The following IL2RA variants were observed in gnomAD, a reference collection of about 807,000 sequenced individuals.
The protein encoded by IL2RA is interleukin 2 receptor subunit alpha.
IL2RA carries 24 observed loss-of-function variants against 37.8 expected under a neutral mutation model. The observed-to-expected ratio is 0.63, with a 90% CI of 0.46 to 0.89. The LOEUF is 0.89. Ranked by LOEUF, IL2RA falls within the 40% of genes least tolerant of loss-of-function variation. The probability of loss-of-function intolerance (pLI) is 0.00; values close to 1 mark genes in which losing one functional copy is unlikely to be tolerated. For synonymous variants in IL2RA, 125 were observed against 114.6 expected (o/e 1.09, Z -0.58); for missense variants, 319 against 348.6 (o/e 0.92, Z 0.68).
intron 7 of IL2RA, among the ~76,000 whole-genome samples, chr10:6,017,696 C>A (rs933775064): frequency 1.3e-5 from 2 of 151,254 alleles, no homozygotes; most frequent in Non-Finnish European, 2.9e-5. Flanking sequence ...CTGCCTCAGC[C>A]GCCCAAGTAG....
intron 1 of IL2RA, 39 bp from the exon 2 acceptor site, chr10:6,026,064 C>T (rs779834010): frequency 2.5e-6 from 4 of 1,582,044 alleles, no homozygotes; most frequent in Non-Finnish European, 3.5e-6. Flanking sequence ...CTCAAGAGGC[C>T]CCAGGCAAGT....
Position 6,057,338 on chromosome 10 carries a change from G to A in IL2RA, c.64+4750C>T, listed in dbSNP as rs1246669056. 6.6e-6 allele frequency among the ~76,000 whole-genome samples: 1 copy of A among 152,194 alleles called. No homozygotes were observed. Among genetic ancestry groups the A allele is most frequent in the Non-Finnish European group, 1.5e-5 (1 of 68,036 alleles). ...TTCAGAGCTGGAAATAACCCACAAT[G>A]AGACATCAGGCTTGGGTGCATTGAT... On this transcript the variant is annotated intron_variant, in intron 1 of 7. Transcript: ENST00000379959. This position sits in a 1 kb window ranked among gnomAD's most constrained non-coding sequence, Gnocchi z 4.8.
chr10:6,031,191 A>G (rs1839568562), intron 1 of IL2RA, among the ~76,000 whole-genome samples: 1 of 151,878 alleles, frequency 6.6e-6, no homozygotes, highest in South Asian at 2.1e-4. Context: ...TGGATTAAAC[A>G]GCAGGGCCCA....
chr10:6,052,996 G>A (rs1242118332), intron 1 of IL2RA, among the ~76,000 whole-genome samples: 1 of 152,172 alleles, frequency 6.6e-6, no homozygotes, highest in Non-Finnish European at 1.5e-5. Flanking sequence ...GCAGGAGGCC[G>A]GCTGCTCTAG....
chr10:6,050,765 G>C (rs1016283637), intron 1 of IL2RA, among the ~76,000 whole-genome samples: 1 of 152,238 alleles, frequency 6.6e-6, no homozygotes, highest in Non-Finnish European at 1.5e-5. Flanking sequence ...GCCCGGGAGT[G>C]CTCAGAGCTG....
At position 6,018,155 on chromosome 10, in the gene IL2RA, T is replaced by C. The variant is rs373749136; in HGVS notation, c.728-36A>G. 2.1e-4 allele frequency: 314 copies of C among 1,494,604 alleles called. 2 individuals are homozygous for C. The highest frequency in any genetic ancestry group is 5.2e-4 in the Middle Eastern group (3 of 5,728). 92.6% of individuals were successfully genotyped at this position (1,494,604 alleles called of 1,614,324 possible). A position where few individuals can be genotyped will look rare whatever the true frequency, so the allele number is the denominator to read the frequency against. On this transcript the variant is annotated intron_variant, in intron 6 of 7. Coordinates refer to ENST00000379959, the MANE Select transcript of IL2RA (RefSeq NM_000417.3). The surrounding 1 kb of genome is among the most constrained non-coding windows in gnomAD (Gnocchi z 5.1). ...AGAGAGGGAGTTCAGCAAAGGGCCC[T>C]GGGCTTGGCATGGGGGCAGCAGGAG...
In IL2RA at chr10:6,025,839, C is replaced by T; in HGVS notation, c.251G>A (p.Ser84Asn). The change falls in exon 2 of 8, where the codon AGC becomes AAC. Residue 84 changes from serine (S) to asparagine (N), a missense_variant. Physicochemically the swap from Ser to Asn is conservative, Grantham distance 46. Transcript: ENST00000379959. This position sits in a 1 kb window ranked among gnomAD's most constrained non-coding sequence, Gnocchi z 4.4. ...GTCACAGAAGGGACACTTACCAGAG[C>T]TTGTGCATTGACATTGGTTGTCCCA... The part of the protein sequence containing the change: ...SSWDNQCQCT[S>N]SATRNTTKQV... 1 of 1,614,122 alleles carries T rather than the reference C, an allele frequency of 6.2e-7. No homozygotes were observed. The highest frequency in any genetic ancestry group is 8.5e-7 in the Non-Finnish European group (1 of 1,179,956).
intron 1 of IL2RA, among the ~76,000 whole-genome samples, chr10:6,040,902 G>A (rs1839761768): frequency 6.6e-6 from 1 of 152,158 alleles, no homozygotes; most frequent in East Asian, 1.9e-4. Context: ...TGGCCAGATA[G>A]AAAATTCATT....
Position 6,018,133 on chromosome 10 carries a change from G to C in IL2RA, c.728-14C>G. On this transcript the variant is annotated splice_polypyrimidine_tract_variant and intron_variant, in intron 6 of 7. Coordinates refer to ENST00000379959, the MANE Select transcript of IL2RA (RefSeq NM_000417.3). The surrounding 1 kb of genome is among the most constrained non-coding windows in gnomAD (Gnocchi z 5.1). ...CACAGCCGGCCACTGTCAATAGAGA[G>C]AGGGAGTTCAGCAAAGGGCCCTGGG... 2 of 1,612,946 alleles carry C rather than the reference G, an allele frequency of 1.2e-6. No individual in the cohort carries two copies. Among genetic ancestry groups the C allele is most frequent in the Middle Eastern group, 1.7e-4 (1 of 6,048 alleles).
At chr10:6,059,233 A>T (rs1441459448) in intron 1 of IL2RA, among the ~76,000 whole-genome samples, 1 of 152,036 alleles carries the variant, frequency 6.6e-6, no homozygotes, top group African/African-American at 2.4e-5. Context: ...TGTGCACCTG[A>T]TCTCTCTCCA....
At chr10:6,052,055 G>A (rs969657044) in intron 1 of IL2RA, among the ~76,000 whole-genome samples, 1 of 151,218 alleles carries the variant, frequency 6.6e-6, no homozygotes, top group African/African-American at 2.4e-5. Context: ...TAGAAAACAG[G>A]TTGTTATTAA....
Position 6,028,242 on chromosome 10 carries a change from G to A in IL2RA, c.65-2217C>T, listed in dbSNP as rs12722681. ...CTGGAGAGGACACTGCATGAAGGTC[G>A]CCCCAAAATTATGTATAGGGGTCCA... On this transcript the variant is annotated intron_variant, in intron 1 of 7. Transcript: ENST00000379959. This position sits in a 1 kb window ranked among gnomAD's most constrained non-coding sequence, Gnocchi z 4.1. Among the ~76,000 whole-genome samples, 937 of 152,212 alleles carry A rather than the reference G, an allele frequency of 6.2e-3. 10 individuals are homozygous for A. The highest frequency in any genetic ancestry group is 0.022 in the African/African-American group (915 of 41,518).
intron 1 of IL2RA, among the ~76,000 whole-genome samples, chr10:6,055,418 CTTTTTTTTTTTTT>C (rs573415550): frequency 0.59 from 3,037 of 5,190 alleles, 1,246 homozygotes; most frequent in South Asian, 0.9. Context: ...TTGGCCATCA[CTTTTTTTTTTTTT>C]TTTTTTTTTT....
intron 1 of IL2RA, among the ~76,000 whole-genome samples, chr10:6,051,056 CT>C (rs5782869): frequency 0.3 from 43,465 of 146,214 alleles, 6,636 homozygotes; most frequent in Middle Eastern, 0.47. Context: ...ACCCCTCCAA[CT>C]TTTTTTTTTT....
rs28360490 is a variant in IL2RA at position 6,019,516 on chromosome 10, A to C, written c.656-17T>G. 177,378 of 1,585,944 alleles carry C rather than the reference A, an allele frequency of 0.11. 10,891 individuals are homozygous for C. The highest frequency in any genetic ancestry group is 0.13 in the Middle Eastern group (811 of 6,020). ...TTTGAAAATCTGTGAAAAAGAGATAAAGAGAGACACTCCTGCTACCGTGAC... is the reference window on the plus strand; with the variant it reads ...TTTGAAAATCTGTGAAAAAGAGATACAGAGAGACACTCCTGCTACCGTGAC... On this transcript the variant is annotated splice_polypyrimidine_tract_variant and intron_variant, in intron 5 of 7. Coordinates refer to ENST00000379959, the MANE Select transcript of IL2RA (RefSeq NM_000417.3).
At position 6,028,609 on chromosome 10, in the gene IL2RA, C is replaced by G. The variant is rs1839520260; in HGVS notation, c.65-2584G>C. Among the ~76,000 whole-genome samples the G allele has an allele frequency of 6.6e-6, 1 of 152,150 alleles. No homozygotes were observed. The highest frequency in any genetic ancestry group is 2.1e-4 in the South Asian group (1 of 4,826). On this transcript the variant is annotated intron_variant, in intron 1 of 7. Coordinates refer to ENST00000379959, the MANE Select transcript of IL2RA (RefSeq NM_000417.3). The surrounding 1 kb of genome is among the most constrained non-coding windows in gnomAD (Gnocchi z 4.1). ...AATCTAGACCCTTTATAATGTATAG[C>G]TCATAATATCCAGCAAATTAAAAGA...
In IL2RA at chr10:6,019,283, T is replaced by C. The variant is rs930722700; in HGVS notation, c.727+145A>G. On this transcript the variant is annotated intron_variant, in intron 6 of 7. Coordinates refer to ENST00000379959, the MANE Select transcript of IL2RA (RefSeq NM_000417.3). ...CCCAACCTACGAACCAACTTACCAA[T>C]CAACTAGCCAACCTACCTATCAACC... 16 of 767,906 alleles carry C rather than the reference T, an allele frequency of 2.1e-5. No individual in the cohort carries two copies. The Admixed American group carries it at 2.8e-4, about 14-fold the overall frequency. 47.6% of individuals were successfully genotyped at this position (767,906 alleles called of 1,614,324 possible).
intron 1 of IL2RA, 133 bp downstream of exon 1, chr10:6,061,954 AG>A: frequency 1.4e-6 from 1 of 725,656 alleles, no homozygotes; most frequent in African/African-American, 1.7e-5. Flanking sequence ...CGTGGGTCAC[AG>A]GCAAGAGGTG....
chr10:6,037,506 G>C (rs1224405863), intron 1 of IL2RA, among the ~76,000 whole-genome samples: 1 of 152,130 alleles, frequency 6.6e-6, no homozygotes, highest in African/African-American at 2.4e-5. Flanking sequence ...TGTACCCAGT[G>C]AAGATTAGAA....
Sources: allele counts gnomAD v4.1 joint callset (sites outside exome capture counted in the v4.1 genomes callset), GRCh38; gene constraint gnomAD v4.1.1; non-coding constraint Gnocchi (gnomAD v3.1); transcripts MANE v1.5; gene names NCBI Gene and HGNC (gene_info 2026-07-23, HGNC 2026-07-21).